The following SLC1A2 variants were observed in gnomAD, a reference collection of about 807,000 sequenced individuals.
SLC1A2 encodes excitatory amino acid transporter 2.
A neutral mutation model predicts 48.8 loss-of-function variants in SLC1A2; 15 were observed. The observed-to-expected ratio is 0.31, with a 90% CI of 0.21 to 0.47. The LOEUF (loss-of-function observed/expected upper bound fraction) is 0.47, where lower values mean the gene tolerates loss of function less well. SLC1A2 is among the 20% of genes least tolerant of loss of function. SLC1A2 has a pLI of 0.99. For missense variants in SLC1A2, 502 were observed against 730.5 expected, an observed-to-expected ratio of 0.69 and a Z score of 3.61; for synonymous variants, 279 against 272.6, an observed-to-expected ratio of 1.02 and a Z score of -0.23.
intron 1 of SLC1A2, among the ~76,000 whole-genome samples, chr11:35,333,716 C>G (rs1852510854): frequency 6.6e-6 from 1 of 152,090 alleles, no homozygotes; most frequent in East Asian, 1.9e-4. Context: ...AGCTGGAGTG[C>G]AGAGGCACGA....
At chr11:35,305,696 C>T (rs756496897) in intron 5 of SLC1A2, among the ~76,000 whole-genome samples, 2 of 152,182 alleles carry the variant, frequency 1.3e-5, no homozygotes, top group Non-Finnish European at 2.9e-5. Flanking sequence ...TAGCACAGCA[C>T]CAGTACATGG....
intron 7 of SLC1A2, among the ~76,000 whole-genome samples, chr11:35,290,428 T>TA (rs901414486): frequency 1.3e-5 from 2 of 152,116 alleles, no homozygotes; most frequent in African/African-American, 2.4e-5. Flanking sequence ...CGTTGACCAG[T>TA]AAAAAAATAA....
chr11:35,290,134 T>G lies in SLC1A2; in HGVS notation c.1091+2153A>C, dbSNP rs192126679. Among the ~76,000 whole-genome samples, 316 of 152,246 alleles carry G rather than the reference T, an allele frequency of 2.1e-3. 3 individuals are homozygous for G. The South Asian group carries it at 0.026, about 13-fold the overall frequency. On this transcript the variant is annotated intron_variant, in intron 7 of 10. Transcript: ENST00000278379. ...AACCCCAGTTAATGGGAACATAAAATAATACATTTTTCTGAATAGCAATCT... is the reference window on the plus strand; with the variant it reads ...AACCCCAGTTAATGGGAACATAAAAGAATACATTTTTCTGAATAGCAATCT...
rs902711242 is a variant in SLC1A2 at position 35,322,611 on chromosome 11, A to C, written c.18-5095T>G. Reference sequence around the variant, plus strand: ...CCTCTCCTCCCTGGCCCCAGGCTTCAGGATCTGGAGAGGTACTGGGGAGAT... The same window carrying C: ...CCTCTCCTCCCTGGCCCCAGGCTTCCGGATCTGGAGAGGTACTGGGGAGAT... On this transcript the variant is annotated intron_variant, in intron 1 of 10. Coordinates refer to ENST00000278379, the MANE Select transcript of SLC1A2 (RefSeq NM_004171.4). 10 of 1,535,072 alleles carry C rather than the reference A, an allele frequency of 6.5e-6. No individual in the cohort carries two copies. The African/African-American group carries it at 1.2e-4, about 19-fold the overall frequency.
At chr11:35,337,427 G>A (rs921655856) in intron 1 of SLC1A2, among the ~76,000 whole-genome samples, 21 of 152,174 alleles carry the variant, frequency 1.4e-4, no homozygotes, top group African/African-American at 4.8e-4. Flanking sequence ...AGTCATCTCA[G>A]CAGCAGGGAG....
chr11:35,287,490 C>A (rs764037659), intron 7 of SLC1A2, among the ~76,000 whole-genome samples: 1 of 152,232 alleles, frequency 6.6e-6, no homozygotes, highest in Admixed American at 6.5e-5. Context: ...GTCCAGCACA[C>A]TTCAGCATGA....
intron 1 of SLC1A2, among the ~76,000 whole-genome samples, chr11:35,360,964 C>T (rs1048931022): frequency 1.3e-5 from 2 of 152,076 alleles, no homozygotes; most frequent in Non-Finnish European, 2.9e-5. Context: ...CAACGTCCAC[C>T]TCCCGGGCTC....
intron 1 of SLC1A2, among the ~76,000 whole-genome samples, chr11:35,356,152 T>C (rs1365709552): frequency 6.6e-6 from 1 of 152,194 alleles, no homozygotes; most frequent in African/African-American, 2.4e-5. Flanking sequence ...ACTTTGTACT[T>C]AGCTACACTT....
At chr11:35,277,254 C>T (rs895661339) in intron 9 of SLC1A2, among the ~76,000 whole-genome samples, 1 of 152,204 alleles carries the variant, frequency 6.6e-6, no homozygotes, top group South Asian at 2.1e-4. Context: ...CTCTGGGCCT[C>T]TCTGCTCCTC....
At chr11:35,299,974 C>A (rs1389448801) in intron 6 of SLC1A2, among the ~76,000 whole-genome samples, 1 of 151,378 alleles carries the variant, frequency 6.6e-6, no homozygotes, top group African/African-American at 2.5e-5. Flanking sequence ...ACAGGACCAT[C>A]CTAGAGATCT....
Position 35,320,249 on chromosome 11 carries a change from G to A in SLC1A2, c.18-2733C>T, listed in dbSNP as rs928671743. Among the ~76,000 whole-genome samples, 3 of 152,116 alleles carry A rather than the reference G, an allele frequency of 2.0e-5. No individual in the cohort carries two copies. In the East Asian group the frequency reaches 5.8e-4, roughly 29 times the overall value. On this transcript the variant is annotated intron_variant, in intron 1 of 10. Transcript: ENST00000278379. ...ACACCTGGTAACAGTGACAATAACA[G>A]GCATAACTTATATTTATTGAGTGTT...
In SLC1A2 at chr11:35,260,869, C is replaced by G; in HGVS notation, c.*25G>C. ...CATAGGATACGCTGGGGAGTTTATTCAAGAATTTGCTGAGACTCATATCCT... is the reference window on the plus strand; with the variant it reads ...CATAGGATACGCTGGGGAGTTTATTGAAGAATTTGCTGAGACTCATATCCT... On this transcript the variant is annotated 3_prime_UTR_variant, in exon 11 of 11. Transcript: ENST00000278379. 2 of 1,553,670 alleles carry G rather than the reference C, an allele frequency of 1.3e-6. No individual in the cohort carries two copies. The highest frequency in any genetic ancestry group is 2.2e-5 in the South Asian group (2 of 89,876).
chr11:35,274,229 T>G lies in SLC1A2; in HGVS notation c.1421+6638A>C, dbSNP rs1376243146. On this transcript the variant is annotated intron_variant, in intron 9 of 10. Coordinates refer to ENST00000278379, the MANE Select transcript of SLC1A2 (RefSeq NM_004171.4). Reference sequence around the variant, plus strand: ...TTGAACTTTGTCCTTCCCTTTGCTATGAACATGCATTTATTTTGTGATATA... The same window carrying G: ...TTGAACTTTGTCCTTCCCTTTGCTAGGAACATGCATTTATTTTGTGATATA... Among the ~76,000 whole-genome samples, 3 of 152,352 alleles carry G rather than the reference T, an allele frequency of 2.0e-5. No homozygotes were observed. In the East Asian group the frequency reaches 5.8e-4, roughly 29 times the overall value.
chr11:35,330,823 G>A (rs1036031758), intron 1 of SLC1A2, among the ~76,000 whole-genome samples: 4 of 152,148 alleles, frequency 2.6e-5, no homozygotes, highest in African/African-American at 7.2e-5. Flanking sequence ...CTCCTCCTCC[G>A]AGCCTCCAGA....
At chr11:35,412,054 A>C (rs1565311516) in intron 1 of SLC1A2, among the ~76,000 whole-genome samples, 1 of 150,430 alleles carries the variant, frequency 6.6e-6, no homozygotes. Flanking sequence ...AAAAAAAAAA[A>C]CAAAACAAAA....
intron 1 of SLC1A2, among the ~76,000 whole-genome samples, chr11:35,344,834 T>C (rs2135052627): frequency 6.6e-6 from 1 of 152,332 alleles, no homozygotes; most frequent in Admixed American, 6.5e-5. Flanking sequence ...GCCTGCTCAC[T>C]CACCCTCTCT....
chr11:35,315,978 T>C (rs1234219429), intron 2 of SLC1A2: 3 of 152,216 alleles, frequency 2.0e-5, no homozygotes, highest in Non-Finnish European at 2.9e-5. Context: ...CAAGCTAGTG[T>C]GAATTCTATT....
chr11:35,396,572 T>C (rs966143942), intron 1 of SLC1A2, among the ~76,000 whole-genome samples: 3 of 151,844 alleles, frequency 2.0e-5, no homozygotes, highest in Non-Finnish European at 4.4e-5. Context: ...AGATTCTGGA[T>C]ATTAGCCCTT....
At chr11:35,345,781 A>G (rs1853007502) in intron 1 of SLC1A2, among the ~76,000 whole-genome samples, 1 of 152,244 alleles carries the variant, frequency 6.6e-6, no homozygotes, top group South Asian at 2.1e-4. Flanking sequence ...TGTCTACAGA[A>G]AAATACAATG....
Sources: allele counts gnomAD v4.1 joint callset (sites outside exome capture counted in the v4.1 genomes callset), GRCh38; gene constraint gnomAD v4.1.1; transcripts MANE v1.5; gene names NCBI Gene and HGNC (gene_info 2026-07-23, HGNC 2026-07-21).